The following DNAH5 variants were observed in gnomAD, a reference collection of about 807,000 sequenced individuals.
DNAH5 encodes dynein axonemal heavy chain 5, also known as axonemal beta dynein heavy chain 5.
Under a neutral mutation model 518.2 loss-of-function variants are expected in DNAH5, and 372 were observed. The observed-to-expected ratio is 0.72, with a 90% CI of 0.66 to 0.78. The LOEUF (loss-of-function observed/expected upper bound fraction) is 0.78, where lower values mean the gene tolerates loss of function less well. Ranked by LOEUF, DNAH5 falls within the 30% of genes least tolerant of loss-of-function variation. The probability of loss-of-function intolerance (pLI) is 0.00; values close to 1 mark genes in which losing one functional copy is unlikely to be tolerated. For synonymous variants in DNAH5, 2,039 were observed against 2,025.9 expected, an observed-to-expected ratio of 1.01 and a Z score of -0.17; for missense variants, 5,523 against 5,687.0, an observed-to-expected ratio of 0.97 and a Z score of 0.93.
At chr5:13,989,459 G>A (rs1294658695) in intron 1 of DNAH5, among the ~76,000 whole-genome samples, 9 of 149,302 alleles carry the variant, frequency 6.0e-5, no homozygotes, top group Non-Finnish European at 1.0e-4. Context: ...AATAAATAAC[G>A]TGTGCATACA....
At chr5:13,944,968 A>G (rs1004745273), upstream of DNAH5, among the ~76,000 whole-genome samples, 1 of 152,228 alleles carries the variant, frequency 6.6e-6, no homozygotes, top group East Asian at 1.9e-4. Flanking sequence ...TGTGTAAACA[A>G]CTTTGCAAGC....
At position 13,907,530 on chromosome 5, in the gene DNAH5, C is replaced by T. The variant is rs547287940; in HGVS notation, c.1644+3856G>A. Among the ~76,000 whole-genome samples, 4 of 151,964 alleles carry T rather than the reference C, an allele frequency of 2.6e-5. No homozygotes were observed. In the South Asian group the frequency reaches 6.2e-4, roughly 24 times the overall value. ...TGTTCTAAAAGCATTAAAGGTGAAA[C>T]GTGTTGTAAAAAGAATGACTTAAAT... On this transcript the variant is annotated intron_variant, in intron 12 of 78. Coordinates refer to ENST00000265104, the MANE Select transcript of DNAH5 (RefSeq NM_001369.3).
At chr5:13,828,686 C>A (rs1007657481) in intron 38 of DNAH5, among the ~76,000 whole-genome samples, 1 of 152,220 alleles carries the variant, frequency 6.6e-6, no homozygotes, top group African/African-American at 2.4e-5. Context: ...CTATGCACAG[C>A]CTGTAGGAAC....
intron 1 of DNAH5, among the ~76,000 whole-genome samples, chr5:13,951,128 C>T (rs764530367): frequency 7.3e-5 from 11 of 151,222 alleles, no homozygotes; most frequent in Admixed American, 5.3e-4. Context: ...TTCTAGGGCA[C>T]CAAATCATGA....
Position 13,824,189 on chromosome 5 carries a change from T to C in DNAH5, c.6579+10A>G. ...CAAGTAGGTGGAACACTTCCATCTG[T>C]GAGTCTTACCAGTTTAGAAAGATTC... On this transcript the variant is annotated intron_variant, in intron 39 of 78. Transcript: ENST00000265104. 1.2e-6 allele frequency: 2 copies of C among 1,613,890 alleles called. No individual in the cohort carries two copies. Among genetic ancestry groups the C allele is most frequent in the Non-Finnish European group, 1.7e-6 (2 of 1,179,838 alleles).
intron 52 of DNAH5, among the ~76,000 whole-genome samples, chr5:13,784,386 A>C (rs1262195689): frequency 2.0e-5 from 3 of 152,186 alleles, no homozygotes; most frequent in Non-Finnish European, 4.4e-5. Context: ...CTTTGGAAGA[A>C]TATTTGAGCT....
At chr5:13,866,954 G>A (rs6887325) in intron 25 of DNAH5, among the ~76,000 whole-genome samples, 60,132 of 152,008 alleles carry the variant, frequency 0.4, 12,255 homozygotes, top group South Asian at 0.46. Flanking sequence ...TATGGACTCC[G>A]TGGGGGCAAG....
chr5:13,784,113 T>A (rs867354270), intron 52 of DNAH5, among the ~76,000 whole-genome samples: 31 of 152,178 alleles, frequency 2.0e-4, no homozygotes, highest in African/African-American at 6.0e-4. Context: ...GCAGTTCTAG[T>A]GAACTTGCTC....
rs1426301881 is a variant in DNAH5, at chr5:13,865,610, CA to C, written c.4355+57del. 4 of 1,090,328 alleles carry C rather than the reference CA, an allele frequency of 3.7e-6. No homozygotes were observed. The Admixed American group carries it at 5.1e-5, about 14-fold the overall frequency. The allele number at this position is 1,090,328 out of a possible 1,614,324, so 67.5% of individuals were successfully genotyped here. A position where few individuals can be genotyped will look rare whatever the true frequency, so the allele number is the denominator to read the frequency against. ...GTGAAAAGAGAACTTGGCTGCCTAT[CA>C]AAGAGGAAAGCATTTGAAGTTCAAT... On this transcript the variant is annotated intron_variant, in intron 27 of 78. Transcript: ENST00000265104.
intron 65 of DNAH5, among the ~76,000 whole-genome samples, chr5:13,746,555 G>T (rs1050924927): frequency 4.6e-5 from 7 of 151,974 alleles, no homozygotes; most frequent in Non-Finnish European, 1.0e-4. Context: ...TCATATCTTG[G>T]GTGAATAACT....
chr5:13,859,366 G>T, intron 30 of DNAH5, 86 bp downstream of exon 30: 3 of 1,405,178 alleles, frequency 2.1e-6, no homozygotes, highest in South Asian at 1.2e-5. Flanking sequence ...AATAGAAGTG[G>T]AATATTATTG....
intron 31 of DNAH5, among the ~76,000 whole-genome samples, chr5:13,845,999 A>ATT (rs567783697): frequency 8.8e-5 from 10 of 114,132 alleles, no homozygotes; most frequent in East Asian, 2.7e-4. Flanking sequence ...CCCAGCTAAT[A>ATT]TTTTTTTTTT....
intron 1 of DNAH5, among the ~76,000 whole-genome samples, chr5:13,997,775 T>C (rs1260238962): frequency 1.3e-5 from 2 of 152,190 alleles, no homozygotes; most frequent in African/African-American, 2.4e-5. Flanking sequence ...TCTTAGTTCA[T>C]TTGGGCTGCT....
chr5:13,900,657 A>G, intron 14 of DNAH5: 1 of 532,440 alleles, frequency 1.9e-6, no homozygotes, highest in South Asian at 2.1e-5. Flanking sequence ...ACACTGATAA[A>G]TAAGTGGACA....
At chr5:13,808,245 A>G (rs1759972038) in intron 46 of DNAH5, among the ~76,000 whole-genome samples, 1 of 151,004 alleles carries the variant, frequency 6.6e-6, no homozygotes, top group African/African-American at 2.4e-5. Flanking sequence ...AAAAAAAAAA[A>G]AAAGAGGAAA....
rs141621142 is a variant in DNAH5 at position 13,913,950 on chromosome 5, C to T, written c.1329G>A (p.Gln443=). 203 of 1,612,736 alleles carry T rather than the reference C, an allele frequency of 1.3e-4. 3 individuals carry two copies. The African/African-American group carries it at 2.5e-3, about 20-fold the overall frequency. Residue 443 remains glutamine, a synonymous_variant, in exon 11 of 79, where the codon CAG becomes CAA. Coordinates refer to ENST00000265104, the MANE Select transcript of DNAH5 (RefSeq NM_001369.3). ...TTTGTTTTGTCTTGTGAAAGCAGAG[C>T]TGGTATTCCTTAAAATCAAAAGAAA... ...LSAIKLKQEY[Q]LCFHKTKQKL...
intron 1 of DNAH5, among the ~76,000 whole-genome samples, chr5:13,978,266 A>G (rs1782418737): frequency 6.6e-6 from 1 of 152,116 alleles, no homozygotes; most frequent in African/African-American, 2.4e-5. Flanking sequence ...GTGAAGCACT[A>G]CTCTAGATGC....
chr5:14,006,091 G>A (rs978120087), intron 1 of DNAH5, among the ~76,000 whole-genome samples: 17 of 149,616 alleles, frequency 1.1e-4, no homozygotes, highest in Admixed American at 7.4e-4. Flanking sequence ...CAACCCTGGC[G>A]TTGTGTTCCC....
chr5:13,762,929 C>A, intron 59 of DNAH5, 28 bp from the exon 60 acceptor site: 2 of 1,589,958 alleles, frequency 1.3e-6, no homozygotes, highest in South Asian at 2.2e-5. Flanking sequence ...AAAATAAAGT[C>A]GAAACACTTC....
Sources: allele counts gnomAD v4.1 joint callset (sites outside exome capture counted in the v4.1 genomes callset), GRCh38; gene constraint gnomAD v4.1.1; transcripts MANE v1.5; gene names NCBI Gene and HGNC (gene_info 2026-07-23, HGNC 2026-07-21).